Variants in MCUB observed in about 807,000 individuals in gnomAD.
MCUB encodes the protein calcium uniporter regulatory subunit MCUb, mitochondrial.
Under a neutral mutation model 41.4 loss-of-function variants are expected in MCUB, and 46 were observed. The observed-to-expected ratio is 1.11, with a 90% CI of 0.88 to 1.42. MCUB has a LOEUF of 1.42. Ranked by LOEUF, MCUB falls within the 40% of genes most tolerant of loss-of-function variation. MCUB has a pLI of 0.00. For missense variants in MCUB, 403 were observed against 404.9 expected, an observed-to-expected ratio of 1.00 and a Z score of 0.04; for synonymous variants, 148 against 148.2, an observed-to-expected ratio of 1.00 and a Z score of 0.01.
chr4:109,631,968 G>T (rs1478400862), intron 1 of MCUB, among the ~76,000 whole-genome samples: 1 of 152,018 alleles, frequency 6.6e-6, no homozygotes, highest in African/African-American at 2.4e-5. Context: ...CAAACGGCAG[G>T]CCCCTTTCAC....
At chr4:109,664,188 A>G (rs1729292533) in intron 3 of MCUB, 102 bp from the exon 4 acceptor site, 1 of 691,180 alleles carries the variant, frequency 1.4e-6, no homozygotes, top group East Asian at 2.7e-5. Flanking sequence ...ATTGTCCACT[A>G]TTATATTGTA....
intron 1 of MCUB, among the ~76,000 whole-genome samples, chr4:109,602,582 A>G (rs1041949842): frequency 6.6e-6 from 1 of 152,164 alleles, no homozygotes; most frequent in African/African-American, 2.4e-5. Flanking sequence ...TTTTTATGCC[A>G]GTACTAGGCT....
At chr4:109,618,109 G>A (rs986946887) in intron 1 of MCUB, among the ~76,000 whole-genome samples, 1 of 152,140 alleles carries the variant, frequency 6.6e-6, no homozygotes, top group African/African-American at 2.4e-5. Context: ...GCTATACCCA[G>A]TCTTTCTGTA....
intron 1 of MCUB, among the ~76,000 whole-genome samples, chr4:109,581,756 C>T (rs1260399232): frequency 4.6e-5 from 7 of 152,164 alleles, no homozygotes; most frequent in Admixed American, 2.0e-4. Context: ...GACATTTATG[C>T]AGCCAAAAAA....
chr4:109,607,448 C>T (rs953101741), intron 1 of MCUB, among the ~76,000 whole-genome samples: 4 of 152,122 alleles, frequency 2.6e-5, no homozygotes, highest in South Asian at 2.1e-4. Context: ...AAACTCCTGA[C>T]CCCAGGTGAT....
chr4:109,674,039 T>C lies in MCUB; in HGVS notation c.452-8543T>C, dbSNP rs879175289. 1.0e-5 allele frequency: 14 copies of C among 1,337,134 alleles called. No individual in the cohort carries two copies. In the East Asian group the frequency reaches 1.8e-4, roughly 18 times the overall value. 82.8% of individuals were successfully genotyped at this position (1,337,134 alleles called of 1,614,324 possible). A position where few individuals can be genotyped will look rare whatever the true frequency, so the allele number is the denominator to read the frequency against. ...ATTCATCTGATCCACATGCGTGTGG[T>C]AGCCCAAGGCTTTGTTGTAGGAGCA... On this transcript the variant is annotated intron_variant, in intron 4 of 7. Coordinates refer to ENST00000394650, the MANE Select transcript of MCUB (RefSeq NM_017918.5).
At chr4:109,604,309 C>T (rs922746998) in intron 1 of MCUB, among the ~76,000 whole-genome samples, 7 of 150,612 alleles carry the variant, frequency 4.6e-5, no homozygotes. Flanking sequence ...GTCTGCTGAC[C>T]CTCTCTCCAC....
At chr4:109,599,278 C>T (rs1727670154) in intron 1 of MCUB, among the ~76,000 whole-genome samples, 1 of 152,152 alleles carries the variant, frequency 6.6e-6, no homozygotes, top group South Asian at 2.1e-4. Context: ...AGCCCCATCC[C>T]ACCCCTCCCA....
At chr4:109,677,437 G>T (rs567278495) in intron 4 of MCUB, among the ~76,000 whole-genome samples, 1 of 152,294 alleles carries the variant, frequency 6.6e-6, no homozygotes, top group East Asian at 1.9e-4. Context: ...AATGTATTTT[G>T]TGTGGGAAAA....
chr4:109,686,737 A>G (rs1729848869), intron 7 of MCUB, among the ~76,000 whole-genome samples: 3 of 152,202 alleles, frequency 2.0e-5, no homozygotes, highest in East Asian at 1.9e-4. Flanking sequence ...TTAGCTGGAC[A>G]TGGTGGCACA....
Position 109,674,202 on chromosome 4 carries a change from A to G in MCUB, c.452-8380A>G, listed in dbSNP as rs1236091187. The stretch of plus-strand genomic sequence containing the variant: ...ATTGAAGTTACCTATTATTGTTGGA[A>G]ATAAACTAATTTGTATGGGTTTAGA... On this transcript the variant is annotated intron_variant, in intron 4 of 7. Coordinates refer to ENST00000394650, the MANE Select transcript of MCUB (RefSeq NM_017918.5). 187 of 804,872 alleles carry G rather than the reference A, an allele frequency of 2.3e-4. 2 individuals carry two copies. Among genetic ancestry groups the G allele is most frequent in the Non-Finnish European group, 9.0e-6 (4 of 445,130 alleles). The allele number at this position is 804,872 out of a possible 1,614,324, so 49.9% of individuals were successfully genotyped here. A position where few individuals can be genotyped will look rare whatever the true frequency, so the allele number is the denominator to read the frequency against.
intron 4 of MCUB, among the ~76,000 whole-genome samples, chr4:109,679,771 CG>C (rs1579098135): frequency 6.6e-6 from 1 of 151,682 alleles, no homozygotes; most frequent in African/African-American, 2.4e-5. Flanking sequence ...CTTTCTCTCC[CG>C]CTTTGAGGTA....
intron 1 of MCUB, among the ~76,000 whole-genome samples, chr4:109,630,217 T>G (rs1375184562): frequency 6.6e-6 from 1 of 152,164 alleles, no homozygotes; most frequent in East Asian, 1.9e-4. Context: ...TCCCAGCTAC[T>G]TGAGAGGCTG....
chr4:109,601,601 G>A (rs1727746818), intron 1 of MCUB, among the ~76,000 whole-genome samples: 1 of 151,932 alleles, frequency 6.6e-6, no homozygotes, highest in Admixed American at 6.6e-5. Context: ...ATAGTGTTCT[G>A]CTGTGTATAT....
At chr4:109,594,405 A>G (rs6851009) in intron 1 of MCUB, among the ~76,000 whole-genome samples, 37,719 of 152,158 alleles carry the variant, frequency 0.25, 7,185 homozygotes, top group African/African-American at 0.53. Flanking sequence ...TGTGAAGGGC[A>G]CAATGAAGCC....
chr4:109,680,778 T>A (rs140929574), intron 4 of MCUB, among the ~76,000 whole-genome samples: 50 of 152,310 alleles, frequency 3.3e-4, no homozygotes, highest in African/African-American at 1.1e-3. Context: ...TCTAGACATA[T>A]GTCTCTCTTG....
At chr4:109,631,195 T>G (rs911760484) in intron 1 of MCUB, among the ~76,000 whole-genome samples, 1 of 152,220 alleles carries the variant, frequency 6.6e-6, no homozygotes, top group African/African-American at 2.4e-5. Context: ...AAACTGAGTA[T>G]GCACACAATC....
intron 4 of MCUB, among the ~76,000 whole-genome samples, chr4:109,679,924 C>T (rs1729679129): frequency 6.6e-6 from 1 of 152,140 alleles, no homozygotes; most frequent in Non-Finnish European, 1.5e-5. Context: ...GCCTCAGCCT[C>T]CTGAGTAGCT....
chr4:109,627,926 A>G lies in MCUB; in HGVS notation c.100-31085A>G, dbSNP rs867770879. On this transcript the variant is annotated intron_variant, in intron 1 of 7. Coordinates refer to ENST00000394650, the MANE Select transcript of MCUB (RefSeq NM_017918.5). ...AGACTCTGTCTCAGAAGAAAAAAAA[A>G]AAAAAGAGGATCCTTGCTCTCTTGA... Among the ~76,000 whole-genome samples, 576 of 152,226 alleles carry G rather than the reference A, an allele frequency of 3.8e-3. 1 individual carries two copies. Among genetic ancestry groups the G allele is most frequent in the Non-Finnish European group, 7.1e-3 (483 of 68,016 alleles).
Sources: gnomAD v4.1 joint callset for allele counts (sites outside exome capture counted in the v4.1 genomes callset) on GRCh38, gnomAD v4.1.1 for gene constraint, MANE v1.5 for transcripts, NCBI Gene and HGNC (gene_info 2026-07-23, HGNC 2026-07-21) for gene names.